DNAJA4: variants seen among roughly 807,000 people sequenced by gnomAD.
DNAJA4 encodes DnaJ heat shock protein family (Hsp40) member A4, also known as dnaJ homolog subfamily A member 4.
In DNAJA4, 32 loss-of-function variants were observed where a neutral mutation model predicts 39.7. That is an observed-to-expected ratio of 0.81 (90% confidence interval 0.61 to 1.08). The LOEUF (loss-of-function observed/expected upper bound fraction) is 1.08, where lower values mean the gene tolerates loss of function less well. Ranked by LOEUF, DNAJA4 falls within the 50% of genes least tolerant of loss-of-function variation. The pLI, the probability that DNAJA4 is intolerant of heterozygous loss-of-function variation, is 0.00. For missense variants in DNAJA4, 439 were observed against 505.1 expected (o/e 0.87, Z 1.25); for synonymous variants, 184 against 182.4 (o/e 1.01, Z -0.07).
intron 2 of DNAJA4, among the ~76,000 whole-genome samples, chr15:78,271,629 T>C (rs896214109): frequency 6.6e-6 from 1 of 152,250 alleles, no homozygotes; most frequent in Non-Finnish European, 1.5e-5. Context: ...CTTAGCTCAA[T>C]GGCCCCAGGC....
Position 78,280,044 on chromosome 15 carries a change from G to A in DNAJA4, c.878-1G>A, listed in dbSNP as rs1253573141. On this transcript the variant is annotated splice_acceptor_variant, in intron 5 of 6. Transcript: ENST00000394852. LOFTEE classifies it high-confidence loss of function. ...TTCCTAATTGACCCTTTCTCTGGCA[G>A]GTGAGGTGATAAAGCACGGGGACCT... is the stretch of plus-strand genomic sequence containing the variant. 6.2e-6 allele frequency: 10 copies of A among 1,614,152 alleles called. No homozygotes were observed. Among genetic ancestry groups the A allele is most frequent in the Non-Finnish European group, 8.5e-6 (10 of 1,179,990 alleles).
intron 1 of DNAJA4, among the ~76,000 whole-genome samples, chr15:78,268,100 C>T (rs7165558): frequency 0.018 from 2,709 of 152,302 alleles, 78 homozygotes; most frequent in African/African-American, 0.06. Context: ...CTGGGTACTC[C>T]TTTTCCATTC....
chr15:78,266,369 G>A, intron 1 of DNAJA4: 4 of 1,336,716 alleles, frequency 3.0e-6, no homozygotes, highest in South Asian at 1.2e-5. Flanking sequence ...TAAAAAATTA[G>A]ACTTGACCTG....
At chr15:78,267,881 A>G (rs1027412522) in intron 1 of DNAJA4, among the ~76,000 whole-genome samples, 3 of 152,156 alleles carry the variant, frequency 2.0e-5, no homozygotes, top group Non-Finnish European at 4.4e-5. Flanking sequence ...CCTCAGCTGT[A>G]TAGTAATCCT....
chr15:78,265,313 C>T (rs1008956191), intron 1 of DNAJA4, among the ~76,000 whole-genome samples: 1 of 152,214 alleles, frequency 6.6e-6, no homozygotes, highest in African/African-American at 2.4e-5. Context: ...GGCTCATATT[C>T]TCTGTTGATG....
At chr15:78,266,340 G>A (rs886143132) in intron 1 of DNAJA4, 13 of 1,559,042 alleles carry the variant, frequency 8.3e-6, no homozygotes, top group Middle Eastern at 1.7e-4. Context: ...ATATGCTTTT[G>A]TTCTGAAGCT....
intron 1 of DNAJA4, among the ~76,000 whole-genome samples, chr15:78,269,028 T>C (rs933850945): frequency 2.6e-5 from 4 of 152,092 alleles, no homozygotes; most frequent in Admixed American, 2.6e-4. Context: ...CAGGCTGAGG[T>C]GCCTCTGAGG....
chr15:78,279,843 CAG>C lies in DNAJA4; in HGVS notation c.878-199_878-198del, dbSNP rs763217355. 3.3e-6 allele frequency: 2 copies of C among 602,268 alleles called. No homozygotes were observed. The highest frequency in any genetic ancestry group is 2.8e-5 in the East Asian group (1 of 36,200). 37.3% of individuals were successfully genotyped at this position (602,268 alleles called of 1,614,324 possible). ...CACTGCTGGAGCCCAGAGCACAGGC[CAG>C]AGTCTCAGCCTGAGCCCCTTCCCCA... is the stretch of plus-strand genomic sequence containing the variant. On this transcript the variant is annotated intron_variant, in intron 5 of 6. Coordinates refer to ENST00000394852, the MANE Select transcript of DNAJA4 (RefSeq NM_001130182.2). This position sits in a 1 kb window ranked among gnomAD's most constrained non-coding sequence, Gnocchi z 4.5.
Position 78,279,556 on chromosome 15 carries a change from A to C in DNAJA4, c.878-489A>C, listed in dbSNP as rs1008942769. ...GGCCAAGCCACCTAGTGAGCTCCCTACCAAGGAACCTGGGTGTCACCTGCA... is the reference window on the plus strand; with the variant it reads ...GGCCAAGCCACCTAGTGAGCTCCCTCCCAAGGAACCTGGGTGTCACCTGCA... On this transcript the variant is annotated intron_variant, in intron 5 of 6. Transcript: ENST00000394852. The surrounding 1 kb of genome is among the most constrained non-coding windows in gnomAD (Gnocchi z 4.5). 5.5e-5 allele frequency: 9 copies of C among 164,320 alleles called. No homozygotes were observed. Among genetic ancestry groups the C allele is most frequent in the Non-Finnish European group, 1.1e-4 (8 of 74,396 alleles). 10.2% of individuals were successfully genotyped at this position (164,320 alleles called of 1,614,324 possible). A position where few individuals can be genotyped will look rare whatever the true frequency, so the allele number is the denominator to read the frequency against.
In DNAJA4 at chr15:78,275,489, G is replaced by C. The variant is rs772292438; in HGVS notation, c.647-9G>C. ...AAATGGCTAATCAGAAAGGGATGAT[G>C]TTTCATAGGTATGAAAGATGGGCAA... On this transcript the variant is annotated splice_polypyrimidine_tract_variant and intron_variant, in intron 4 of 6. Coordinates refer to ENST00000394852, the MANE Select transcript of DNAJA4 (RefSeq NM_001130182.2). 1 of 1,597,616 alleles carries C rather than the reference G, an allele frequency of 6.3e-7. No homozygotes were observed. The highest frequency in any genetic ancestry group is 8.6e-7 in the Non-Finnish European group (1 of 1,165,390).
rs1421259162 is a variant in DNAJA4, at chr15:78,275,490, T to A, written c.647-8T>A. The A allele has an allele frequency of 1.2e-6, 2 of 1,607,502 alleles. No homozygotes were observed. The highest frequency in any genetic ancestry group is 1.3e-5 in the African/African-American group (1 of 74,804). ...AATGGCTAATCAGAAAGGGATGATG[T>A]TTCATAGGTATGAAAGATGGGCAAA... On this transcript the variant is annotated splice_polypyrimidine_tract_variant and splice_region_variant and intron_variant, in intron 4 of 6. Transcript: ENST00000394852.
At chr15:78,266,908 G>A (rs2049137510) in intron 1 of DNAJA4, among the ~76,000 whole-genome samples, 1 of 152,124 alleles carries the variant, frequency 6.6e-6, no homozygotes, top group Non-Finnish European at 1.5e-5. Context: ...GCCCTATAAA[G>A]GCACAAATTG....
At chr15:78,270,103 C>T (rs777285469) in intron 1 of DNAJA4, 32 of 158,930 alleles carry the variant, frequency 2.0e-4, no homozygotes, top group Non-Finnish European at 4.1e-5. Context: ...GAAATGATTC[C>T]CATGAGGAGG....
chr15:78,280,076 C>A lies in DNAJA4; in HGVS notation c.909C>A (p.Cys303Ter). 6.2e-7 allele frequency: 1 copy of A among 1,614,168 alleles called. No homozygotes were observed. Among genetic ancestry groups the A allele is most frequent in the Non-Finnish European group, 8.5e-7 (1 of 1,180,020 alleles). The stretch of plus-strand genomic sequence containing the variant: ...TGATAAAGCACGGGGACCTGAGATG[C>A]GTGCGCGATGAAGGAATGCCCATCT... Reference protein sequence around the residue: ...GEVIKHGDLRCVRDEGMPIYK... With the variant: ...GEVIKHGDLR The change falls in exon 6 of 7, where the codon TGC becomes TGA. Residue 303 changes from cysteine to a stop codon, truncating the protein, a stop_gained. Coordinates refer to ENST00000394852, the MANE Select transcript of DNAJA4 (RefSeq NM_001130182.2). LOFTEE classifies it high-confidence loss of function.
At chr15:78,264,332 C>G (rs779243270), upstream of DNAJA4, 1 of 1,424,378 alleles carries the variant, frequency 7.0e-7, no homozygotes, top group South Asian at 1.4e-5. Flanking sequence ...GGGCGGCAGT[C>G]AGAGCTGGAG....
rs780611854 is a variant in DNAJA4 at position 78,274,436 on chromosome 15, C to T, written c.646+12C>T. ...ACATGTTGAAAAAGGTGAGGCTGCG[C>T]AGAGCTGGTGCTCCACACGGGCTGG... On this transcript the variant is annotated intron_variant, in intron 4 of 6. Transcript: ENST00000394852. 4 of 1,611,842 alleles carry T rather than the reference C, an allele frequency of 2.5e-6. 1 individual carries two copies. In the South Asian group the frequency reaches 4.4e-5, roughly 18 times the overall value.
chr15:78,274,834 C>T, intron 4 of DNAJA4: 1 of 222,704 alleles, frequency 4.5e-6, no homozygotes, highest in South Asian at 6.9e-5. Flanking sequence ...CTGCATGTTC[C>T]CTTTCTCCAC....
chr15:78,275,858 C>T, intron 5 of DNAJA4, 130 bp downstream of exon 5: 1 of 672,356 alleles, frequency 1.5e-6, no homozygotes, highest in East Asian at 2.7e-5. Context: ...TACTTTGTCC[C>T]TTGCATAAAA....
At chr15:78,265,459 T>G in intron 1 of DNAJA4, 1 of 702,270 alleles carries the variant, frequency 1.4e-6, no homozygotes, top group Non-Finnish European at 2.6e-6. Flanking sequence ...TAGTGAATAA[T>G]CCCATTTTCT....
Sources: gnomAD v4.1 joint callset for allele counts (sites outside exome capture counted in the v4.1 genomes callset) on GRCh38, gnomAD v4.1.1 for gene constraint, Gnocchi (gnomAD v3.1) non-coding constraint, MANE v1.5 for transcripts, NCBI Gene and HGNC (gene_info 2026-07-23, HGNC 2026-07-21) for gene names.